Variants in TLK2 observed in about 807,000 individuals in gnomAD.
TLK2 encodes the protein serine/threonine-protein kinase tousled-like 2.
Under a neutral mutation model 117.3 loss-of-function variants are expected in TLK2, and 6 were observed. The observed-to-expected ratio is 0.05, with a 90% CI of 0.03 to 0.10. The LOEUF is 0.10. Ranked by LOEUF, TLK2 falls within the 10% of genes least tolerant of loss-of-function variation. TLK2 has a pLI of 1.00. For synonymous variants in TLK2, 257 were observed against 316.7 expected, an observed-to-expected ratio of 0.81 and a Z score of 2.00; for missense variants, 299 against 901.2, an observed-to-expected ratio of 0.33 and a Z score of 8.56.
chr17:62,591,580 C>A (rs1225085967), intron 16 of TLK2, among the ~76,000 whole-genome samples: 2 of 152,006 alleles, frequency 1.3e-5, no homozygotes, highest in Admixed American at 1.3e-4. Context: ...GCTGGCAAGT[C>A]GTTTTTTGGA....
At chr17:62,538,192 C>T (rs540523410) in intron 7 of TLK2, among the ~76,000 whole-genome samples, 6 of 151,860 alleles carry the variant, frequency 4.0e-5, no homozygotes, top group African/African-American at 1.2e-4. Flanking sequence ...CCCGCCACCA[C>T]GCCTGGCTAA....
At chr17:62,538,833 T>C (rs1285158838) in intron 7 of TLK2, among the ~76,000 whole-genome samples, 5 of 152,164 alleles carry the variant, frequency 3.3e-5, no homozygotes, top group Non-Finnish European at 7.3e-5. Flanking sequence ...AGCTTAGTAG[T>C]ATAAGGAAAG....
chr17:62,498,994 G>A (rs1483609374), intron 2 of TLK2, among the ~76,000 whole-genome samples: 5 of 151,830 alleles, frequency 3.3e-5, no homozygotes, highest in African/African-American at 9.7e-5. Flanking sequence ...TCCCTGAGTA[G>A]CTGGGACCAC....
At chr17:62,587,269 A>T (rs1031887830) in intron 16 of TLK2, among the ~76,000 whole-genome samples, 2 of 152,140 alleles carry the variant, frequency 1.3e-5, no homozygotes, top group Non-Finnish European at 2.9e-5. Flanking sequence ...ATTTGCTATT[A>T]GGTTCCCCAC....
In TLK2 at chr17:62,538,033, G is replaced by GTTT. The variant is rs57512334; in HGVS notation, c.531+1714_531+1716dup. Among the ~76,000 whole-genome samples the GTTT allele has an allele frequency of 6.7e-3, 709 of 106,174 alleles. 36 individuals carry two copies. The highest frequency in any genetic ancestry group is 0.014 in the Middle Eastern group (2 of 138). 69.7% of individuals were successfully genotyped at this position (106,174 alleles called of 152,430 possible). A position where few individuals can be genotyped will look rare whatever the true frequency, so the allele number is the denominator to read the frequency against. ...ATACACTTACTTTTGTTAAATCTTT[G>GTTT]TTTTTTTTTTTTTTTTTTTTGAGAT... On this transcript the variant is annotated intron_variant, in intron 7 of 21. Coordinates refer to ENST00000346027, the MANE Select transcript of TLK2 (RefSeq NM_006852.6).
intron 21 of TLK2, chr17:62,611,903 A>ACG (rs2083805102): frequency 6.6e-6 from 1 of 152,362 alleles, no homozygotes; most frequent in East Asian, 1.9e-4. Flanking sequence ...ACATAGGGAA[A>ACG]TAATTTTATA....
At chr17:62,595,081 C>T (rs148898132) in intron 16 of TLK2, among the ~76,000 whole-genome samples, 356 of 152,224 alleles carry the variant, frequency 2.3e-3, no homozygotes, top group African/African-American at 7.8e-3. Flanking sequence ...CCTGCTTCAG[C>T]CTCTTGAGTA....
chr17:62,475,784 C>G (rs139693158), upstream of TLK2, among the ~76,000 whole-genome samples: 1 of 151,524 alleles, frequency 6.6e-6, no homozygotes, highest in Non-Finnish European at 1.5e-5. Flanking sequence ...CTTAGCCTCC[C>G]GAGTAGCTGG....
intron 2 of TLK2, among the ~76,000 whole-genome samples, chr17:62,493,731 T>C (rs972033122): frequency 4.6e-5 from 7 of 152,176 alleles, no homozygotes; most frequent in Non-Finnish European, 7.3e-5. Context: ...AGAACTAAGC[T>C]ACCATGTAAC....
intron 2 of TLK2, among the ~76,000 whole-genome samples, chr17:62,505,299 A>G (rs966015999): frequency 2.0e-5 from 3 of 151,840 alleles, no homozygotes; most frequent in Admixed American, 6.6e-5. Flanking sequence ...ACTAAAGTGC[A>G]GTGGTGCAGT....
At chr17:62,521,308 A>G (rs1290846717) in intron 3 of TLK2, among the ~76,000 whole-genome samples, 3 of 151,988 alleles carry the variant, frequency 2.0e-5, no homozygotes, top group East Asian at 1.9e-4. Flanking sequence ...TGGATCTTAC[A>G]TGTCTTAAAA....
At chr17:62,576,583 C>T in intron 12 of TLK2, 126 bp from the exon 13 acceptor site, 1 of 720,342 alleles carries the variant, frequency 1.4e-6, no homozygotes, top group Non-Finnish European at 2.4e-6. Flanking sequence ...CAAGATAACC[C>T]ATCTTTCAGT....
chr17:62,592,347 A>G (rs1233438769), intron 16 of TLK2, among the ~76,000 whole-genome samples: 1 of 152,270 alleles, frequency 6.6e-6, no homozygotes, highest in Non-Finnish European at 1.5e-5. Flanking sequence ...ATGTCAGACT[A>G]TACAGTACAC....
In TLK2 at chr17:62,560,144, GTCTAAACTCTGTATCCCAAGA is replaced by G; in HGVS notation, c.831+20_831+40del. On this transcript the variant is annotated intron_variant, in intron 10 of 21. Coordinates refer to ENST00000346027, the MANE Select transcript of TLK2 (RefSeq NM_006852.6). ...TAGAAAAGGTTAGTGAATAATGTTG[GTCTAAACTCTGTATCCCAAGA>G]TACTCAATGTGTGTCATTGTGTGGC... The G allele has an allele frequency of 6.4e-7, 1 of 1,559,270 alleles. No homozygotes were observed. The highest frequency in any genetic ancestry group is 8.8e-7 in the Non-Finnish European group (1 of 1,141,888).
At chr17:62,566,069 A>C (rs188432480) in intron 11 of TLK2, among the ~76,000 whole-genome samples, 1 of 152,192 alleles carries the variant, frequency 6.6e-6, no homozygotes, top group African/African-American at 2.4e-5. Context: ...ATTTATTCCA[A>C]TGAGGGAATT....
At chr17:62,473,829 CCCG>C (rs1415123207), upstream of TLK2, among the ~76,000 whole-genome samples, 1 of 152,180 alleles carries the variant, frequency 6.6e-6, no homozygotes, top group Non-Finnish European at 1.5e-5. Flanking sequence ...GACAATATGG[CCCG>C]CAAAGCCTGA....
intron 2 of TLK2, among the ~76,000 whole-genome samples, chr17:62,507,886 TTAAGTATA>T (rs1382214232): frequency 6.6e-6 from 1 of 151,970 alleles, no homozygotes; most frequent in Non-Finnish European, 1.5e-5. Context: ...AAAGTACATT[TTAAGTATA>T]TTAGAAACAT....
chr17:62,583,524 CT>C (rs1332940110), intron 15 of TLK2, among the ~76,000 whole-genome samples: 2 of 152,094 alleles, frequency 1.3e-5, no homozygotes, highest in Non-Finnish European at 2.9e-5. Context: ...CTCCCAGTTA[CT>C]TTTAGTAATT....
chr17:62,476,804 G>A (rs1379220049), upstream of TLK2, among the ~76,000 whole-genome samples: 3 of 151,892 alleles, frequency 2.0e-5, no homozygotes, highest in East Asian at 3.9e-4. Flanking sequence ...TCATTTGGTC[G>A]AGTGCGGTGG....
Sources: allele counts gnomAD v4.1 joint callset (sites outside exome capture counted in the v4.1 genomes callset), GRCh38; gene constraint gnomAD v4.1.1; transcripts MANE v1.5; gene names NCBI Gene and HGNC (gene_info 2026-07-23, HGNC 2026-07-21).